Variants in ZCWPW2 observed in about 807,000 individuals in gnomAD.
ZCWPW2 encodes zinc finger CW-type and PWWP domain containing 2.
Under a neutral mutation model 46.6 loss-of-function variants are expected in ZCWPW2, and 45 were observed. That is an observed-to-expected ratio of 0.96 (90% CI 0.76 to 1.24). The LOEUF is 1.24. Ranked by LOEUF, ZCWPW2 falls within the 50% of genes most tolerant of loss-of-function variation. The pLI is 0.00. For missense variants in ZCWPW2, 429 were observed against 403.9 expected, an observed-to-expected ratio of 1.06 and a Z score of -0.53; for synonymous variants, 152 against 137.1, an observed-to-expected ratio of 1.11 and a Z score of -0.76.
At position 28,474,954 on chromosome 3, in the gene ZCWPW2, G is replaced by A. The variant is rs1379770516; in HGVS notation, c.493-3860G>A. 3.3e-5 allele frequency among the ~76,000 whole-genome samples: 5 copies of A among 151,948 alleles called. No individual in the cohort carries two copies. In the South Asian group the frequency reaches 6.3e-4, roughly 19 times the overall value. On this transcript the variant is annotated intron_variant, in intron 4 of 9. Coordinates refer to ENST00000383768, the MANE Select transcript of ZCWPW2 (RefSeq NM_001040432.4). ...AGCAATTCTGCTGCCTCAGCTTCCC[G>A]AGTAGCTGGGACTACAGGCACATGC...
In ZCWPW2 at chr3:28,422,769, G is replaced by T. The variant is rs1696845827; in HGVS notation, c.332+9369G>T. ...TTGCTGGACAGTATGCTATGAGTAT[G>T]TGTGTGTGTGTGTGTTTTTTTTTAA... On this transcript the variant is annotated intron_variant, in intron 3 of 9. Coordinates refer to ENST00000383768, the MANE Select transcript of ZCWPW2 (RefSeq NM_001040432.4). 4.7e-5 allele frequency among the ~76,000 whole-genome samples: 7 copies of T among 148,180 alleles called. No homozygotes were observed. In the South Asian group the frequency reaches 1.5e-3, roughly 31 times the overall value.
At chr3:28,469,022 T>G (rs187914362) in intron 4 of ZCWPW2, among the ~76,000 whole-genome samples, 34 of 152,074 alleles carry the variant, frequency 2.2e-4, no homozygotes, top group African/African-American at 7.0e-4. Context: ...TTTCAAGACA[T>G]AGAGAGTAAA....
chr3:28,445,547 A>G (rs1300919417), intron 4 of ZCWPW2, among the ~76,000 whole-genome samples: 2 of 152,160 alleles, frequency 1.3e-5, no homozygotes, highest in African/African-American at 2.4e-5. Context: ...GCTATAGAAT[A>G]TATGCACAAG....
At chr3:28,372,454 T>G (rs1368775708) in intron 1 of ZCWPW2, among the ~76,000 whole-genome samples, 1 of 152,168 alleles carries the variant, frequency 6.6e-6, no homozygotes, top group Admixed American at 6.5e-5. Context: ...AATAATAACT[T>G]TTTAAAAATA....
intron 1 of ZCWPW2, among the ~76,000 whole-genome samples, chr3:28,349,604 T>TATTATTTCTAGA (rs1704456062): frequency 6.6e-6 from 1 of 152,156 alleles, no homozygotes; most frequent in Non-Finnish European, 1.5e-5. Flanking sequence ...TGCCACCACC[T>TATTATTTCTAGA]TGGTTATTTC....
At chr3:28,438,100 A>G (rs1697572109) in intron 4 of ZCWPW2, among the ~76,000 whole-genome samples, 1 of 152,228 alleles carries the variant, frequency 6.6e-6, no homozygotes. Flanking sequence ...CATCTTGCAC[A>G]TAGCTTACAG....
At chr3:28,436,495 A>T (rs1174236557) in intron 4 of ZCWPW2, among the ~76,000 whole-genome samples, 2 of 151,962 alleles carry the variant, frequency 1.3e-5, no homozygotes, top group Admixed American at 1.3e-4. Flanking sequence ...ACAAATAAGT[A>T]CATGTACGTA....
chr3:28,486,371 A>G (rs1289874044), intron 5 of ZCWPW2, among the ~76,000 whole-genome samples: 4 of 152,168 alleles, frequency 2.6e-5, no homozygotes, highest in African/African-American at 9.7e-5. Context: ...TAAGAATAAG[A>G]AAAGTAAAAA....
chr3:28,522,652 G>A (rs892140168), intron 9 of ZCWPW2, among the ~76,000 whole-genome samples: 4 of 152,038 alleles, frequency 2.6e-5, no homozygotes, highest in South Asian at 2.1e-4. Flanking sequence ...TAATATTAAC[G>A]TTAAGAACTC....
At chr3:28,422,110 G>T (rs899624557) in intron 3 of ZCWPW2, among the ~76,000 whole-genome samples, 9 of 152,004 alleles carry the variant, frequency 5.9e-5, no homozygotes, top group Non-Finnish European at 1.3e-4. Flanking sequence ...GTTTCCGTAT[G>T]TCCCTTTCTC....
intron 5 of ZCWPW2, among the ~76,000 whole-genome samples, chr3:28,488,822 G>C (rs1699698101): frequency 6.6e-6 from 1 of 152,114 alleles, no homozygotes; most frequent in South Asian, 2.1e-4. Context: ...TACATGCAGA[G>C]ATTTCTGAAG....
intron 9 of ZCWPW2, 121 bp downstream of exon 9, chr3:28,521,237 C>G: frequency 9.4e-7 from 1 of 1,065,188 alleles, no homozygotes; most frequent in Non-Finnish European, 1.3e-6. Context: ...AAATTTGAGT[C>G]CTTGATTATC....
intron 3 of ZCWPW2, chr3:28,428,352 G>A (rs1293751097): frequency 6.6e-6 from 1 of 152,080 alleles, no homozygotes; most frequent in African/African-American, 2.4e-5. Context: ...ATGACTGCCA[G>A]GTAGTCCTCT....
At chr3:28,434,769 C>T (rs1377091502) in intron 3 of ZCWPW2, among the ~76,000 whole-genome samples, 1 of 152,172 alleles carries the variant, frequency 6.6e-6, no homozygotes, top group Non-Finnish European at 1.5e-5. Flanking sequence ...TTCAGCTCTA[C>T]ATGAATTTGA....
intron 3 of ZCWPW2, among the ~76,000 whole-genome samples, chr3:28,424,928 A>G (rs1696946792): frequency 6.6e-6 from 1 of 152,228 alleles, no homozygotes; most frequent in Non-Finnish European, 1.5e-5. Context: ...TTATGAAGGT[A>G]TTTGTAGTCC....
At chr3:28,520,206 C>T (rs1700686544) in intron 8 of ZCWPW2, among the ~76,000 whole-genome samples, 1 of 152,096 alleles carries the variant, frequency 6.6e-6, no homozygotes, top group South Asian at 2.1e-4. Context: ...GGGGTTTCAC[C>T]ATGTTAGCCA....
chr3:28,480,969 A>G (rs1350445188), intron 5 of ZCWPW2, among the ~76,000 whole-genome samples: 1 of 149,138 alleles, frequency 6.7e-6, no homozygotes, highest in Admixed American at 6.7e-5. Context: ...AGGTTCAAAC[A>G]ATTCTCCTGT....
intron 1 of ZCWPW2, among the ~76,000 whole-genome samples, chr3:28,388,033 G>T (rs984937173): frequency 2.0e-5 from 3 of 152,136 alleles, no homozygotes; most frequent in Non-Finnish European, 4.4e-5. Flanking sequence ...GGTGGGGTAG[G>T]TTAGCAGGCT....
At chr3:28,353,561 A>C (rs1704629190) in intron 1 of ZCWPW2, among the ~76,000 whole-genome samples, 2 of 152,242 alleles carry the variant, frequency 1.3e-5, no homozygotes, top group South Asian at 4.1e-4. Flanking sequence ...AAAAGAAATT[A>C]TGACTTTGAC....
Sources: allele counts gnomAD v4.1 joint callset (sites outside exome capture counted in the v4.1 genomes callset), GRCh38; gene constraint gnomAD v4.1.1; transcripts MANE v1.5; gene names NCBI Gene and HGNC (gene_info 2026-07-23, HGNC 2026-07-21).